ATIC: variants seen among roughly 807,000 people sequenced by gnomAD.
ATIC encodes 5-aminoimidazole-4-carboxamide ribonucleotide formyltransferase/IMP cyclohydrolase, also known as bifunctional purine biosynthesis protein ATIC.
Under a neutral mutation model 72.5 loss-of-function variants are expected in ATIC, and 64 were observed. The ratio of observed to expected loss-of-function variants is 0.88; its 90% CI spans 0.72 to 1.09. The LOEUF (loss-of-function observed/expected upper bound fraction) is 1.09, where lower values mean the gene tolerates loss of function less well. Among genes scored for constraint, ATIC ranks in the 50% least tolerant of loss-of-function variants. The pLI is 0.00. For missense variants in ATIC, 787 were observed against 732.4 expected (o/e 1.07, Z -0.86); for synonymous variants, 281 against 267.1 (o/e 1.05, Z -0.51).
At chr2:215,359,432 C>T in the ATIC span, among the ~76,000 whole-genome samples, 1 of 151,092 alleles carries the variant, frequency 6.6e-6, no homozygotes, top group Non-Finnish European at 1.5e-5. Flanking sequence ...ATCGAGATGA[C>T]GTTCTCTCTC....
chr2:215,364,459 G>T, the ATIC span: 1 of 280,974 alleles, frequency 3.6e-6, no homozygotes, highest in Non-Finnish European at 7.0e-6. Flanking sequence ...CCAGGATGGG[G>T]AGAACCGGCT....
chr2:215,357,557 A>G, the ATIC span, among the ~76,000 whole-genome samples: 5 of 152,256 alleles, frequency 3.3e-5, no homozygotes, highest in Admixed American at 6.5e-5. Context: ...GAATGTTAAA[A>G]AAGGAATTTC....
chr2:215,334,104 T>G (rs2052927568), intron 9 of ATIC, among the ~76,000 whole-genome samples: 2 of 151,804 alleles, frequency 1.3e-5, no homozygotes, highest in Non-Finnish European at 2.9e-5. Flanking sequence ...TGGAATTTGG[T>G]CAATGTAATT....
chr2:215,349,027 GATTTGC>G (rs1199178525), intron 14 of ATIC, 61 bp from the exon 15 acceptor site: 1 of 1,552,930 alleles, frequency 6.4e-7, no homozygotes, highest in African/African-American at 1.4e-5. Context: ...CTGGCATGGT[GATTTGC>G]ACCACATAGA....
At chr2:215,367,993 C>A in the ATIC span, 6 of 1,614,014 alleles carry the variant, frequency 3.7e-6, no homozygotes, top group African/African-American at 8.0e-5. Context: ...GGTCAAAGCA[C>A]GAGTCATCCG....
At chr2:215,339,696 G>A (rs1452325851) in intron 12 of ATIC, among the ~76,000 whole-genome samples, 2 of 151,904 alleles carry the variant, frequency 1.3e-5, no homozygotes, top group Non-Finnish European at 2.9e-5. Context: ...GTGCAGTGGT[G>A]CGATCTCGGG....
At chr2:215,356,119 C>T in the ATIC span, among the ~76,000 whole-genome samples, 2 of 152,212 alleles carry the variant, frequency 1.3e-5, no homozygotes, top group Non-Finnish European at 1.5e-5. Context: ...ACAATACTGA[C>T]GTCTTAGAGT....
chr2:215,317,063 C>T (rs1405645349), intron 2 of ATIC, among the ~76,000 whole-genome samples: 1 of 152,042 alleles, frequency 6.6e-6, no homozygotes, highest in Non-Finnish European at 1.5e-5. Context: ...CCACCTGGCC[C>T]CTGCTTTATT....
At chr2:215,318,452 T>A (rs1476205058) in intron 3 of ATIC, among the ~76,000 whole-genome samples, 1 of 152,240 alleles carries the variant, frequency 6.6e-6, no homozygotes, top group Non-Finnish European at 1.5e-5. Context: ...CTCTGCTTGC[T>A]ATTAGTCCTG....
rs1369075735 is a variant in ATIC at position 215,318,240 on chromosome 2, G to A, written c.223+7G>A. ...CATCCTGCAGTCCATGCTGGTAAGT[G>A]GTTGGTATCTTTAATGTAAAAACAG... On this transcript the variant is annotated splice_region_variant and intron_variant, in intron 3 of 15. Transcript: ENST00000236959. 2.5e-6 allele frequency: 4 copies of A among 1,611,526 alleles called. No homozygotes were observed. Among genetic ancestry groups the A allele is most frequent in the Non-Finnish European group, 2.5e-6 (3 of 1,177,638 alleles).
chr2:215,314,163 T>A lies in ATIC; in HGVS notation c.146+1539T>A, dbSNP rs141897535. Among the ~76,000 whole-genome samples, 595 of 152,340 alleles carry A rather than the reference T, an allele frequency of 3.9e-3. 5 individuals are homozygous for A. Among genetic ancestry groups the A allele is most frequent in the African/African-American group, 0.013 (540 of 41,576 alleles). ...TCCTCACTTATCTTCATTATGGTCA[T>A]ATCTTCTTTAAAAACTGGAAATGTA... On this transcript the variant is annotated intron_variant, in intron 2 of 15. Transcript: ENST00000236959.
intron 12 of ATIC, among the ~76,000 whole-genome samples, chr2:215,343,880 G>C (rs1053489580): frequency 1.3e-5 from 2 of 152,044 alleles, no homozygotes; most frequent in Non-Finnish European, 2.9e-5. Flanking sequence ...TTTTCCATTT[G>C]TATTCATGCC....
chr2:215,313,046 G>A (rs990460943), intron 2 of ATIC, among the ~76,000 whole-genome samples: 4 of 152,144 alleles, frequency 2.6e-5, no homozygotes, highest in African/African-American at 9.7e-5. Flanking sequence ...GTGGTGAGCC[G>A]AGATGGCACT....
the ATIC span, among the ~76,000 whole-genome samples, chr2:215,359,905 C>T: frequency 6.6e-6 from 1 of 151,960 alleles, no homozygotes; most frequent in Non-Finnish European, 1.5e-5. Flanking sequence ...TAATTATTTC[C>T]ATTTCCACTA....
At chr2:215,361,030 A>T in the ATIC span, 116 of 156,936 alleles carry the variant, frequency 7.4e-4, no homozygotes, top group East Asian at 5.6e-4. Flanking sequence ...TACTGGGAAA[A>T]ATTGATAAAT....
At chr2:215,367,914 A>G in the ATIC span, 3 of 1,614,172 alleles carry the variant, frequency 1.9e-6, no homozygotes, top group Non-Finnish European at 1.7e-6. Flanking sequence ...CACTGGCACA[A>G]CAGTTTAAAG....
At chr2:215,342,163 C>A (rs1379971072) in intron 12 of ATIC, among the ~76,000 whole-genome samples, 1 of 152,088 alleles carries the variant, frequency 6.6e-6, no homozygotes, top group African/African-American at 2.4e-5. Context: ...CACAGCCAAA[C>A]CGTATCACCA....
chr2:215,351,986 A>G (rs538411482), downstream of ATIC, among the ~76,000 whole-genome samples: 58 of 152,294 alleles, frequency 3.8e-4, no homozygotes, highest in African/African-American at 1.4e-3. Flanking sequence ...GATATAACCT[A>G]GCCGAAGGAC....
intron 10 of ATIC, among the ~76,000 whole-genome samples, chr2:215,335,391 G>A (rs2052943609): frequency 6.6e-6 from 1 of 152,134 alleles, no homozygotes; most frequent in Admixed American, 6.5e-5. Flanking sequence ...CCCATCAGTT[G>A]AATACCAAAC....
Sources: allele counts gnomAD v4.1 joint callset (sites outside exome capture counted in the v4.1 genomes callset), GRCh38; gene constraint gnomAD v4.1.1; transcripts MANE v1.5; gene names NCBI Gene and HGNC (gene_info 2026-07-23, HGNC 2026-07-21).